SPINT2: variants seen among roughly 807,000 people sequenced by gnomAD.
The protein encoded by SPINT2 is serine peptidase inhibitor, Kunitz type 2.
Under a neutral mutation model 30.1 loss-of-function variants are expected in SPINT2, and 18 were observed. The observed-to-expected ratio is 0.60, with a 90% CI of 0.41 to 0.89. The LOEUF is 0.89. SPINT2 is among the 40% of genes least tolerant of loss of function. The pLI, the probability that SPINT2 is intolerant of heterozygous loss-of-function variation, is 0.00. For synonymous variants in SPINT2, 139 were observed against 137.9 expected, an observed-to-expected ratio of 1.01 and a Z score of -0.05; for missense variants, 276 against 334.3, an observed-to-expected ratio of 0.83 and a Z score of 1.36.
intron 1 of SPINT2, among the ~76,000 whole-genome samples, chr19:38,268,164 A>G (rs933438369): frequency 2.6e-5 from 4 of 152,046 alleles, no homozygotes; most frequent in South Asian, 2.1e-4. Flanking sequence ...GAGAAGCATC[A>G]TGTGGTCTAT....
At chr19:38,291,716 G>C (rs549698583) in intron 6 of SPINT2, 124 bp from the exon 7 acceptor site, 2 of 1,196,438 alleles carry the variant, frequency 1.7e-6, no homozygotes, top group Admixed American at 4.8e-5. Flanking sequence ...ACCCTGTCTG[G>C]GTTGGGGAGG....
chr19:38,276,550 G>A (rs1456775775), intron 1 of SPINT2, among the ~76,000 whole-genome samples: 1 of 151,728 alleles, frequency 6.6e-6, no homozygotes, highest in South Asian at 2.1e-4. Context: ...GCTGAGGCAG[G>A]GGAATGGCGT....
intron 1 of SPINT2, among the ~76,000 whole-genome samples, chr19:38,275,406 C>T (rs1485834167): frequency 6.6e-6 from 1 of 151,986 alleles, no homozygotes; most frequent in Non-Finnish European, 1.5e-5. Flanking sequence ...CTCACTGCAA[C>T]CTCCGCCTCC....
At chr19:38,287,829 GTC>G (rs1327898660) in intron 2 of SPINT2, 45 bp from the exon 3 acceptor site, 1 of 1,607,488 alleles carries the variant, frequency 6.2e-7, no homozygotes, top group Admixed American at 1.7e-5. Flanking sequence ...GTCCCTGGCA[GTC>G]TCTCGAAAGC....
At chr19:38,286,066 A>G (rs1427970657) in intron 2 of SPINT2, among the ~76,000 whole-genome samples, 1 of 152,046 alleles carries the variant, frequency 6.6e-6, no homozygotes, top group Non-Finnish European at 1.5e-5. Flanking sequence ...GAAAGCACAT[A>G]TTGGCATCTG....
chr19:38,273,287 C>A (rs536536280), intron 1 of SPINT2, among the ~76,000 whole-genome samples: 6 of 152,238 alleles, frequency 3.9e-5, no homozygotes, highest in African/African-American at 1.2e-4. Flanking sequence ...AGAACCTAGC[C>A]AGCTAACCAA....
intron 1 of SPINT2, among the ~76,000 whole-genome samples, chr19:38,277,308 C>T (rs1600339959): frequency 6.6e-6 from 1 of 151,962 alleles, no homozygotes; most frequent in East Asian, 1.9e-4. Context: ...TGCAGTGGCG[C>T]AATCTCAGCT....
intron 4 of SPINT2, chr19:38,289,442 G>T (rs533760179): frequency 1.3e-5 from 4 of 302,318 alleles, no homozygotes; most frequent in Non-Finnish European, 1.9e-5. Flanking sequence ...CCAAGATTGC[G>T]CCACTGCACT....
chr19:38,286,638 CCGGGCCTGGTGG>C (rs1227779209), intron 2 of SPINT2, among the ~76,000 whole-genome samples: 1 of 152,138 alleles, frequency 6.6e-6, no homozygotes, highest in African/African-American at 2.4e-5. Flanking sequence ...AAAAAATTAG[CCGGGCCTGGTGG>C]CGGGCGCCTG....
chr19:38,270,342 G>A (rs1253831380), intron 1 of SPINT2, among the ~76,000 whole-genome samples: 32 of 152,144 alleles, frequency 2.1e-4, no homozygotes, highest in Non-Finnish European at 1.5e-5. Context: ...TTGGTTCCAG[G>A]GTAGTTCGAA....
intron 2 of SPINT2, 36 bp downstream of exon 2, chr19:38,283,833 CTTTTTTTT>C (rs754820019): frequency 0.15 from 137,863 of 927,678 alleles, 1,873 homozygotes; most frequent in East Asian, 0.31. Context: ...TGTTTTTTTC[CTTTTTTTT>C]TTTTTTTTTT....
chr19:38,285,680 C>G (rs1968632420), intron 2 of SPINT2, among the ~76,000 whole-genome samples: 1 of 152,142 alleles, frequency 6.6e-6, no homozygotes, highest in Non-Finnish European at 1.5e-5. Context: ...ATTACACTGG[C>G]CTTTAAGTAA....
At chr19:38,274,018 C>T (rs566127198) in intron 1 of SPINT2, among the ~76,000 whole-genome samples, 2 of 151,790 alleles carry the variant, frequency 1.3e-5, no homozygotes, top group South Asian at 4.2e-4. Flanking sequence ...ATCATTTGAG[C>T]CCAGGACTTC....
chr19:38,272,603 C>G (rs891481836), intron 1 of SPINT2, among the ~76,000 whole-genome samples: 1 of 152,178 alleles, frequency 6.6e-6, no homozygotes, highest in South Asian at 2.1e-4. Flanking sequence ...ATGGACTGCT[C>G]GGGTTCTTGT....
chr19:38,283,580 G>A, intron 1 of SPINT2, 47 bp from the exon 2 acceptor site: 1 of 1,612,464 alleles, frequency 6.2e-7, no homozygotes, highest in Non-Finnish European at 8.5e-7. Flanking sequence ...GTCCTTTGTT[G>A]CCAGGATTGC....
intron 1 of SPINT2, among the ~76,000 whole-genome samples, chr19:38,266,291 G>T (rs927799770): frequency 6.6e-6 from 1 of 152,044 alleles, no homozygotes; most frequent in Admixed American, 6.6e-5. Context: ...AGGTGCTGGT[G>T]CTTGAACCCG....
chr19:38,289,098 G>A, intron 3 of SPINT2, 40 bp from the exon 4 acceptor site: 1 of 1,604,474 alleles, frequency 6.2e-7, no homozygotes, highest in Non-Finnish European at 8.5e-7. Context: ...TGTGTCCTGT[G>A]TCCGGCCCAG....
chr19:38,267,227 T>G (rs1308895182), intron 1 of SPINT2, among the ~76,000 whole-genome samples: 1 of 152,230 alleles, frequency 6.6e-6, no homozygotes, highest in Non-Finnish European at 1.5e-5. Context: ...AAGTTCTGTT[T>G]GTTTGAAAGC....
chr19:38,269,778 T>G (rs1274622375), intron 1 of SPINT2, among the ~76,000 whole-genome samples: 1 of 149,952 alleles, frequency 6.7e-6, no homozygotes, highest in East Asian at 2.0e-4. Context: ...CCCGGCTAAT[T>G]TTTTGTATTT....
Sources: allele counts gnomAD v4.1 joint callset (sites outside exome capture counted in the v4.1 genomes callset), GRCh38; gene constraint gnomAD v4.1.1; transcripts MANE v1.5; gene names NCBI Gene and HGNC (gene_info 2026-07-23, HGNC 2026-07-21).